Variants in CNGB1 observed in about 807,000 individuals in gnomAD.
CNGB1 encodes cyclic nucleotide gated channel subunit beta 1, also known as cyclic nucleotide-gated channel beta-1.
In CNGB1, 126 loss-of-function variants were observed where a neutral mutation model predicts 151.7. That is an observed-to-expected ratio of 0.83 (90% CI 0.72 to 0.96). The LOEUF (loss-of-function observed/expected upper bound fraction) is 0.96. Ranked by LOEUF, CNGB1 falls within the 40% of genes least tolerant of loss-of-function variation. The pLI is 0.00. For synonymous variants in CNGB1, 623 were observed against 635.1 expected, an observed-to-expected ratio of 0.98 and a Z score of 0.29; for missense variants, 1,698 against 1,627.0, an observed-to-expected ratio of 1.04 and a Z score of -0.75.
chr16:57,930,894 C>T (rs1234429544), intron 17 of CNGB1, among the ~76,000 whole-genome samples: 2 of 151,874 alleles, frequency 1.3e-5, no homozygotes, highest in Non-Finnish European at 2.9e-5. Context: ...AGTTGCTGTT[C>T]AATGAGTATA....
At chr16:57,894,658 G>T (rs551491847) in intron 31 of CNGB1, among the ~76,000 whole-genome samples, 1 of 152,286 alleles carries the variant, frequency 6.6e-6, no homozygotes, top group East Asian at 1.9e-4. Flanking sequence ...AGTAAGCAGA[G>T]GAAAGAAAAG....
intron 31 of CNGB1, among the ~76,000 whole-genome samples, chr16:57,896,757 T>A (rs1446142075): frequency 6.9e-6 from 1 of 144,964 alleles, no homozygotes; most frequent in Non-Finnish European, 1.5e-5. Flanking sequence ...AATAAATAAA[T>A]AAATAAAATA....
chr16:57,962,387 C>G (rs1365486551), intron 7 of CNGB1, among the ~76,000 whole-genome samples, 178 bp downstream of exon 7: 1 of 152,188 alleles, frequency 6.6e-6, no homozygotes, highest in East Asian at 1.9e-4. Flanking sequence ...CACCACAAAC[C>G]ATGAGCAGCA....
At chr16:57,927,892 A>G (rs1325868159) in intron 17 of CNGB1, among the ~76,000 whole-genome samples, 1 of 152,240 alleles carries the variant, frequency 6.6e-6, no homozygotes, top group Non-Finnish European at 1.5e-5. Context: ...GAACTGATGA[A>G]GTTGTGAGCT....
intron 29 of CNGB1, among the ~76,000 whole-genome samples, chr16:57,898,664 C>T (rs1960300078): frequency 6.6e-6 from 1 of 152,242 alleles, no homozygotes; most frequent in Non-Finnish European, 1.5e-5. Flanking sequence ...GATCTGCCTG[C>T]CTTAGCCTCC....
intron 1 of CNGB1, 98 bp from the exon 2 acceptor site, chr16:57,967,392 A>G: frequency 7.7e-7 from 1 of 1,306,018 alleles, no homozygotes; most frequent in Non-Finnish European, 1.1e-6. Flanking sequence ...CTTTTCCTTC[A>G]TCAACTTTAA....
intron 16 of CNGB1, among the ~76,000 whole-genome samples, chr16:57,934,331 G>A (rs2149373516): frequency 6.6e-6 from 1 of 152,288 alleles, no homozygotes; most frequent in East Asian, 1.9e-4. Flanking sequence ...CTACTTGGGA[G>A]GCTGAGGTTG....
At chr16:57,921,793 T>C (rs1323775150) in intron 18 of CNGB1, among the ~76,000 whole-genome samples, 2 of 152,174 alleles carry the variant, frequency 1.3e-5, no homozygotes, top group African/African-American at 2.4e-5. Flanking sequence ...CAGAGCACTG[T>C]CATCTGGGTC....
chr16:57,959,418 A>G (rs1210239995), intron 10 of CNGB1, among the ~76,000 whole-genome samples: 3 of 152,118 alleles, frequency 2.0e-5, no homozygotes, highest in Non-Finnish European at 4.4e-5. Flanking sequence ...GTTTGAGACT[A>G]GCGTGGCCAA....
chr16:57,937,212 G>T (rs551335145), intron 16 of CNGB1: 14 of 152,720 alleles, frequency 9.2e-5, no homozygotes, highest in Non-Finnish European at 2.0e-4. Flanking sequence ...ACATTAGGGA[G>T]ATGCTCTACC....
intron 13 of CNGB1, among the ~76,000 whole-genome samples, 188 bp downstream of exon 13, chr16:57,950,193 C>G (rs1049218705): frequency 1.3e-5 from 2 of 152,208 alleles, no homozygotes; most frequent in Non-Finnish European, 2.9e-5. Flanking sequence ...TGTACCCAGA[C>G]TGTCTCTGGA....
intron 18 of CNGB1, among the ~76,000 whole-genome samples, chr16:57,922,134 T>C (rs1202690650): frequency 6.6e-6 from 1 of 152,194 alleles, no homozygotes; most frequent in Non-Finnish European, 1.5e-5. Context: ...GCTTATCTTT[T>C]CTAACTTTCC....
At chr16:57,931,639 G>C in intron 17 of CNGB1, 77 bp downstream of exon 17, 2 of 1,518,696 alleles carry the variant, frequency 1.3e-6, no homozygotes, top group East Asian at 2.3e-5. Flanking sequence ...TTCTCCCTCT[G>C]GCCTCAGTCT....
Position 57,888,005 on chromosome 16 carries a change from G to T in CNGB1, c.3312C>A (p.Gly1104=). 1 of 1,614,200 alleles carries T rather than the reference G, an allele frequency of 6.2e-7. No individual in the cohort carries two copies. Among genetic ancestry groups the T allele is most frequent in the Non-Finnish European group, 8.5e-7 (1 of 1,180,048 alleles). Residue 1104 remains glycine (G), a synonymous_variant, in exon 32 of 33, where the codon GGC becomes GGA. Transcript: ENST00000251102. ...GGGCAGCGTTGAAGAGCTTTGGGGTGCCCGCCCGGGGTGGAAGGATCAGCA... is the reference window on the plus strand; with the variant it reads ...GGGCAGCGTTGAAGAGCTTTGGGGTTCCCGCCCGGGGTGGAAGGATCAGCA... ...KSVLILPPRA[G]TPKLFNAALA...
At chr16:57,937,344 G>A (rs1488726487) in intron 16 of CNGB1, 1 of 152,578 alleles carries the variant, frequency 6.6e-6, no homozygotes, top group African/African-American at 2.4e-5. Flanking sequence ...CTCAGGCAGA[G>A]GAGTGACCCT....
chr16:57,952,525 C>CA (rs1483690617), intron 12 of CNGB1, among the ~76,000 whole-genome samples: 4 of 90,584 alleles, frequency 4.4e-5, no homozygotes, highest in Non-Finnish European at 6.0e-5. Context: ...TTTTTTGAGA[C>CA]AGAGTCTCAC....
chr16:57,938,788 C>A (rs993761347), intron 16 of CNGB1, among the ~76,000 whole-genome samples: 2 of 152,122 alleles, frequency 1.3e-5, no homozygotes, highest in Non-Finnish European at 2.9e-5. Flanking sequence ...GGGGTTGGGT[C>A]CCACCTGTCC....
intron 1 of CNGB1, among the ~76,000 whole-genome samples, chr16:57,967,723 A>T (rs1597019007): frequency 1.3e-5 from 2 of 151,968 alleles, no homozygotes; most frequent in East Asian, 3.9e-4. Context: ...ATACACATAC[A>T]TATATATATT....
At chr16:57,893,896 T>C (rs943647998) in intron 31 of CNGB1, among the ~76,000 whole-genome samples, 8 of 152,254 alleles carry the variant, frequency 5.3e-5, no homozygotes, top group African/African-American at 7.2e-5. Flanking sequence ...GTTAAACAAC[T>C]TCCTCAAAGT....
Sources: gnomAD v4.1 joint callset for allele counts (sites outside exome capture counted in the v4.1 genomes callset) on GRCh38, gnomAD v4.1.1 for gene constraint, MANE v1.5 for transcripts, NCBI Gene and HGNC (gene_info 2026-07-23, HGNC 2026-07-21) for gene names.